The following EIF4G3 variants were observed in gnomAD, a reference collection of about 807,000 sequenced individuals.
The protein encoded by EIF4G3 is eIF-4-gamma 3.
EIF4G3 carries 34 observed loss-of-function variants against 186.4 expected under a neutral mutation model. The ratio of observed to expected loss-of-function variants is 0.18; its 90% CI spans 0.14 to 0.24. EIF4G3 has a LOEUF of 0.24. Ranked by LOEUF, EIF4G3 falls within the 10% of genes least tolerant of loss-of-function variation. EIF4G3 has a pLI of 1.00. For missense variants in EIF4G3, 1,536 were observed against 1,948.5 expected, an observed-to-expected ratio of 0.79 and a Z score of 3.99; for synonymous variants, 673 against 679.5, an observed-to-expected ratio of 0.99 and a Z score of 0.15.
At chr1:20,831,433 G>A (rs1257742076) in intron 30 of EIF4G3, among the ~76,000 whole-genome samples, 1 of 151,570 alleles carries the variant, frequency 6.6e-6, no homozygotes, top group Non-Finnish European at 1.5e-5. Context: ...AAGATCTCCC[G>A]TGTTAGTGTT....
At chr1:21,108,829 G>A (rs2096662716) in intron 2 of EIF4G3, among the ~76,000 whole-genome samples, 1 of 149,346 alleles carries the variant, frequency 6.7e-6, no homozygotes, top group Admixed American at 6.7e-5. Context: ...CTTCAACCCG[G>A]GAGACAGAGG....
chr1:20,868,288 G>T (rs571056683), intron 20 of EIF4G3, among the ~76,000 whole-genome samples: 3 of 151,908 alleles, frequency 2.0e-5, no homozygotes, highest in African/African-American at 4.8e-5. Flanking sequence ...AACAATGGAA[G>T]TTTATTTCTC....
At chr1:20,847,662 C>T in intron 29 of EIF4G3, 1 of 380,962 alleles carries the variant, frequency 2.6e-6, no homozygotes, top group Non-Finnish European at 5.3e-6. Flanking sequence ...AAGAAAAAGG[C>T]TATGCTGCCA....
chr1:20,933,885 T>C (rs552761895), intron 14 of EIF4G3, among the ~76,000 whole-genome samples: 1 of 152,250 alleles, frequency 6.6e-6, no homozygotes, highest in East Asian at 1.9e-4. Flanking sequence ...GTCAGATAAT[T>C]GGAAATTTAA....
At chr1:20,868,465 G>A (rs191004597) in intron 20 of EIF4G3, among the ~76,000 whole-genome samples, 12 of 152,092 alleles carry the variant, frequency 7.9e-5, no homozygotes, top group East Asian at 1.9e-4. Flanking sequence ...ATCCCATTGT[G>A]TGGGCTCCAC....
chr1:20,895,481 T>C lies in EIF4G3; in HGVS notation c.2020A>G (p.Thr674Ala). The change falls in exon 17 of 37, where the codon ACT becomes GCT. Residue 674 changes from threonine to alanine, a missense_variant. Transcript: ENST00000602326. ...CTGTCATACTGCTTCTTACCTTCAG[T>C]ATCAGTAGGCTTCCAGGATTCTAGA... ...FKPESWKPTD[T>A]EGKKQYDREF... 6.2e-7 allele frequency: 1 copy of C among 1,614,054 alleles called. No individual in the cohort carries two copies.
intron 2 of EIF4G3, among the ~76,000 whole-genome samples, chr1:21,100,866 A>G (rs542862339): frequency 3.0e-4 from 46 of 152,272 alleles, no homozygotes; most frequent in Non-Finnish European, 5.6e-4. Context: ...GACAGGAAAA[A>G]AGCAATATAG....
chr1:20,941,443 CTCT>C (rs1276482260), intron 14 of EIF4G3, 45 bp downstream of exon 14: 7 of 1,608,238 alleles, frequency 4.4e-6, no homozygotes, highest in Non-Finnish European at 5.1e-6. Flanking sequence ...CAAACACTGC[CTCT>C]TCTTCATGTT....
rs532174867 is a variant in EIF4G3 at position 20,986,223 on chromosome 1, G to C, written c.178-3815C>G. On this transcript the variant is annotated intron_variant, in intron 7 of 36. Coordinates refer to ENST00000602326, the MANE Select transcript of EIF4G3 (RefSeq NM_001391906.1). ...ACTCACTAAAAAAATATTTGTTGCT[G>C]AGTGAAAAGGCAATATACCTCTCTT... Among the ~76,000 whole-genome samples, 3 of 152,244 alleles carry C rather than the reference G, an allele frequency of 2.0e-5. No individual in the cohort carries two copies. The East Asian group carries it at 5.8e-4, about 29-fold the overall frequency.
intron 3 of EIF4G3, chr1:21,065,102 G>C (rs1399037928): frequency 6.6e-6 from 1 of 152,144 alleles, no homozygotes; most frequent in Non-Finnish European, 1.5e-5. Context: ...TTATTTAACT[G>C]ATCCAAGGTA....
rs1447417614 is a variant in EIF4G3 at position 20,904,822 on chromosome 1, C to T, written c.1752+61G>A. The T allele has an allele frequency of 4.6e-6, 6 of 1,302,966 alleles. No individual in the cohort carries two copies. The East Asian group carries it at 6.9e-5, about 15-fold the overall frequency. 80.7% of individuals were successfully genotyped at this position (1,302,966 alleles called of 1,614,324 possible). A position where few individuals can be genotyped will look rare whatever the true frequency, so the allele number is the denominator to read the frequency against. ...AACTATTTCAATAAATAGGTATAAACACATACCTGTCTATGAAATGGCACC... is the reference window on the plus strand; with the variant it reads ...AACTATTTCAATAAATAGGTATAAATACATACCTGTCTATGAAATGGCACC... On this transcript the variant is annotated intron_variant, in intron 15 of 36. Transcript: ENST00000602326.
intron 3 of EIF4G3, among the ~76,000 whole-genome samples, chr1:21,063,504 T>C (rs1285535117): frequency 2.0e-5 from 3 of 152,060 alleles, no homozygotes; most frequent in African/African-American, 7.2e-5. Context: ...AAAATATATA[T>C]TTAGAAAAAT....
chr1:20,827,594 C>T (rs1415343213), intron 32 of EIF4G3, 23 bp downstream of exon 32: 2 of 1,468,362 alleles, frequency 1.4e-6, no homozygotes, highest in Admixed American at 1.7e-5. Context: ...ACTGTTGAGT[C>T]TGACACTCAG....
At chr1:20,930,976 G>A (rs926124677) in intron 14 of EIF4G3, among the ~76,000 whole-genome samples, 2 of 151,638 alleles carry the variant, frequency 1.3e-5, no homozygotes, top group Non-Finnish European at 2.9e-5. Context: ...GAGTAGCTGG[G>A]ACTACAGGCG....
At chr1:20,895,540 A>C in intron 16 of EIF4G3, 39 bp from the exon 17 acceptor site, 1 of 1,604,930 alleles carries the variant, frequency 6.2e-7, no homozygotes, top group Non-Finnish European at 8.5e-7. Flanking sequence ...TTTGTAGGGC[A>C]TTATATACAG....
chr1:20,946,096 T>G lies in EIF4G3; in HGVS notation c.824-3766A>C, dbSNP rs149586486. Reference sequence around the variant, plus strand: ...CTCAATGACTGAGAAGATGCTATTGTCATTTAATAAGCAGAGAGAGGAATG... The same window carrying G: ...CTCAATGACTGAGAAGATGCTATTGGCATTTAATAAGCAGAGAGAGGAATG... On this transcript the variant is annotated intron_variant, in intron 13 of 36. Coordinates refer to ENST00000602326, the MANE Select transcript of EIF4G3 (RefSeq NM_001391906.1). 2.3e-3 allele frequency among the ~76,000 whole-genome samples: 357 copies of G among 152,304 alleles called. 3 individuals carry two copies. In the East Asian group the frequency reaches 0.04, roughly 17 times the overall value.
intron 3 of EIF4G3, among the ~76,000 whole-genome samples, chr1:21,077,061 C>T (rs2095610959): frequency 6.6e-6 from 1 of 151,870 alleles, no homozygotes; most frequent in Non-Finnish European, 1.5e-5. Flanking sequence ...GATTAACAGC[C>T]AAACTATATA....
chr1:21,176,279 CG>C lies in EIF4G3; in HGVS notation c.-377del. 2.9e-6 allele frequency: 1 copy of C among 349,484 alleles called. No homozygotes were observed. The highest frequency in any genetic ancestry group is 5.0e-6 in the Non-Finnish European group (1 of 201,552). The allele number at this position is 349,484 out of a possible 1,614,324, so 21.6% of individuals were successfully genotyped here. ...CCGCCGCCGCCGCTGCTGCCGCCGC[CG>C]GGTGAGGAGGCGGTACCGCTGCTGC... On this transcript the variant is annotated 5_prime_UTR_variant, in exon 2 of 37. Transcript: ENST00000602326.
intron 20 of EIF4G3, among the ~76,000 whole-genome samples, chr1:20,869,565 G>GGA (rs2078559345): frequency 6.6e-6 from 1 of 151,870 alleles, no homozygotes; most frequent in African/African-American, 2.4e-5. Context: ...CACGAGGTCA[G>GGA]GAGATTGAGA....
Sources: allele counts gnomAD v4.1 joint callset (sites outside exome capture counted in the v4.1 genomes callset), GRCh38; gene constraint gnomAD v4.1.1; transcripts MANE v1.5; gene names NCBI Gene and HGNC (gene_info 2026-07-23, HGNC 2026-07-21).